ITGB3: variants seen among roughly 807,000 people sequenced by gnomAD.
ITGB3 encodes integrin beta-3.
In ITGB3, 48 loss-of-function variants were observed where a neutral mutation model predicts 85.8. The observed-to-expected ratio is 0.56, with a 90% CI of 0.44 to 0.71. The LOEUF (loss-of-function observed/expected upper bound fraction) is 0.71, where lower values mean the gene tolerates loss of function less well. Ranked by LOEUF, ITGB3 falls within the 30% of genes least tolerant of loss-of-function variation. The pLI, the probability that ITGB3 is intolerant of heterozygous loss-of-function variation, is 0.00. For missense variants in ITGB3, 861 were observed against 1,019.1 expected (o/e 0.84, Z 2.11); for synonymous variants, 363 against 395.6 (o/e 0.92, Z 0.98).
chr17:47,280,408 G>A lies in ITGB3; in HGVS notation c.166-2946G>A, dbSNP rs150254971. Among the ~76,000 whole-genome samples, 1,361 of 152,278 alleles carry A rather than the reference G, an allele frequency of 8.9e-3. 17 individuals are homozygous for A. Among genetic ancestry groups the A allele is most frequent in the African/African-American group, 0.03 (1,247 of 41,546 alleles). ...GTCTCACTCTGTCACCCAGACTGGG[G>A]TGCAGTGGTGTGATCTTGGCTCACT... On this transcript the variant is annotated intron_variant, in intron 2 of 14. Coordinates refer to ENST00000559488, the MANE Select transcript of ITGB3 (RefSeq NM_000212.3).
chr17:47,292,409 G>T lies in ITGB3; in HGVS notation c.1531G>T (p.Glu511Ter). The change falls in exon 10 of 15, where the codon GAA becomes TAA. Residue 511 changes from glutamate to a stop codon, truncating the protein, a stop_gained. Coordinates refer to ENST00000559488, the MANE Select transcript of ITGB3 (RefSeq NM_000212.3). LOFTEE classifies it high-confidence loss of function. ...EEDYRPSQQD[E>*]CSPREGQPVC... ...GGACTATCGCCCTTCCCAGCAGGACGAATGCAGCCCCCGGGAGGGTCAGCC... is the reference window on the plus strand; with the variant it reads ...GGACTATCGCCCTTCCCAGCAGGACTAATGCAGCCCCCGGGAGGGTCAGCC... The T allele has an allele frequency of 6.2e-7, 1 of 1,612,908 alleles. No individual in the cohort carries two copies. Among genetic ancestry groups the T allele is most frequent in the Non-Finnish European group, 8.5e-7 (1 of 1,178,948 alleles).
intron 1 of ITGB3, among the ~76,000 whole-genome samples, chr17:47,257,404 GC>G (rs1044798212): frequency 6.6e-6 from 1 of 152,170 alleles, no homozygotes; most frequent in Non-Finnish European, 1.5e-5. Context: ...AAAACCTCAA[GC>G]CCTGTATCTG....
At position 47,313,530 on chromosome 17, in the gene ITGB3, T is replaced by C. The variant is rs893120182; in HGVS notation, c.*3326T>C. On this transcript the variant is annotated 3_prime_UTR_variant, in exon 15 of 15. Transcript: ENST00000559488. Reference sequence around the variant, plus strand: ...CCCGGCTAATTTCTTTTTGTATTTTTAGTAGAGACGGGGTTTCACGGTGTT... The same window carrying C: ...CCCGGCTAATTTCTTTTTGTATTTTCAGTAGAGACGGGGTTTCACGGTGTT... Among the ~76,000 whole-genome samples, 1 of 151,736 alleles carries C rather than the reference T, an allele frequency of 6.6e-6. No individual in the cohort carries two copies. Among genetic ancestry groups the C allele is most frequent in the Non-Finnish European group, 1.5e-5 (1 of 67,954 alleles).
At chr17:47,291,354 G>GTGTA in intron 9 of ITGB3, 1 of 598,514 alleles carries the variant, frequency 1.7e-6, no homozygotes, top group South Asian at 2.1e-5. Context: ...ACCTTTGTTT[G>GTGTA]TGTATGCACA....
In ITGB3 at chr17:47,290,248, C is replaced by T; in HGVS notation, c.1099C>T (p.Leu367Phe). ...GVLSMDSSNV[L>F]QLIVDAYGKI... ...TCTGTCCATGGATTCCAGCAATGTC[C>T]TCCAGCTCATTGTTGATGCTTATGG... Residue 367 changes from leucine (L) to phenylalanine (F), a missense_variant, in exon 8 of 15, where the codon CTC (leucine) becomes TTC (phenylalanine). By Grantham distance (22) the Leu-to-Phe change is conservative. Transcript: ENST00000559488. 6.2e-7 allele frequency: 1 copy of T among 1,613,992 alleles called. No homozygotes were observed. Among genetic ancestry groups the T allele is most frequent in the Non-Finnish European group, 8.5e-7 (1 of 1,179,920 alleles).
intron 1 of ITGB3, among the ~76,000 whole-genome samples, chr17:47,270,692 C>T (rs1002431342): frequency 2.0e-5 from 3 of 152,106 alleles, no homozygotes; most frequent in Admixed American, 6.6e-5. Flanking sequence ...GTAGTCAAGT[C>T]GGAGAGTGGA....
chr17:47,288,502 G>A (rs1035222088), intron 6 of ITGB3, among the ~76,000 whole-genome samples: 9 of 152,132 alleles, frequency 5.9e-5, no homozygotes, highest in Non-Finnish European at 1.0e-4. Context: ...TGAACTCTTC[G>A]TCTCCTAAGG....
chr17:47,286,491 A>G, intron 5 of ITGB3, 69 bp downstream of exon 5: 5 of 1,579,714 alleles, frequency 3.2e-6, no homozygotes, highest in Non-Finnish European at 4.3e-6. Flanking sequence ...AAGTGACTGA[A>G]CTCTGGGGAT....
intron 2 of ITGB3, among the ~76,000 whole-genome samples, chr17:47,276,828 G>T (rs1228229213): frequency 3.3e-5 from 5 of 152,170 alleles, no homozygotes; most frequent in African/African-American, 9.7e-5. Context: ...CTTGGACATT[G>T]ACTTCAAAAA....
chr17:47,285,120 G>A (rs1407272876), intron 4 of ITGB3, among the ~76,000 whole-genome samples: 2 of 152,194 alleles, frequency 1.3e-5, no homozygotes, highest in Admixed American at 6.5e-5. Flanking sequence ...AAGTGCTAAG[G>A]AATATAAAAG....
chr17:47,289,482 C>A (rs2065116926), intron 6 of ITGB3, among the ~76,000 whole-genome samples, 199 bp from the exon 7 acceptor site: 3 of 152,150 alleles, frequency 2.0e-5, no homozygotes, highest in Non-Finnish European at 2.9e-5. Flanking sequence ...ACCACCACAT[C>A]TGGCAAATAA....
intron 10 of ITGB3, among the ~76,000 whole-genome samples, chr17:47,294,810 T>C (rs2065139734): frequency 6.6e-6 from 1 of 152,238 alleles, no homozygotes; most frequent in Non-Finnish European, 1.5e-5. Flanking sequence ...CCAGAGCTGC[T>C]GGCTCTATGC....
chr17:47,292,894 G>A (rs971288711), intron 10 of ITGB3, among the ~76,000 whole-genome samples: 3 of 152,202 alleles, frequency 2.0e-5, no homozygotes, highest in Non-Finnish European at 4.4e-5. Context: ...AGACATTGGA[G>A]TGTGCTTGAA....
chr17:47,309,378 TGAA>T (rs1010865586), intron 14 of ITGB3, among the ~76,000 whole-genome samples: 2 of 152,068 alleles, frequency 1.3e-5, no homozygotes, highest in Admixed American at 1.3e-4. Flanking sequence ...CCAGATTAGA[TGAA>T]AACAAATTAA....
intron 1 of ITGB3, among the ~76,000 whole-genome samples, chr17:47,263,855 T>A (rs1281395252): frequency 6.6e-6 from 1 of 152,218 alleles, no homozygotes; most frequent in Non-Finnish European, 1.5e-5. Flanking sequence ...TCAAGACATT[T>A]GAACTTTGTG....
chr17:47,267,147 T>C (rs2065028614), intron 1 of ITGB3, among the ~76,000 whole-genome samples: 1 of 152,216 alleles, frequency 6.6e-6, no homozygotes, highest in African/African-American at 2.4e-5. Context: ...ACTTTCTGTG[T>C]TCCAGCTGTT....
At chr17:47,262,168 A>C (rs922293243) in intron 1 of ITGB3, among the ~76,000 whole-genome samples, 4 of 152,338 alleles carry the variant, frequency 2.6e-5, no homozygotes, top group Middle Eastern at 3.4e-3. Context: ...CGGTTGAACC[A>C]GTTTGCTTTC....
chr17:47,255,704 G>A (rs1364246864), intron 1 of ITGB3, among the ~76,000 whole-genome samples: 2 of 152,230 alleles, frequency 1.3e-5, no homozygotes, highest in Non-Finnish European at 2.9e-5. Flanking sequence ...ACAGGCGTGA[G>A]CCACCGCACC....
chr17:47,257,150 C>T (rs758389621), intron 1 of ITGB3, among the ~76,000 whole-genome samples: 4 of 152,236 alleles, frequency 2.6e-5, no homozygotes, highest in Admixed American at 6.5e-5. Flanking sequence ...CATTATTCTT[C>T]CTATCCATGC....
Sources: allele counts gnomAD v4.1 joint callset (sites outside exome capture counted in the v4.1 genomes callset), GRCh38; gene constraint gnomAD v4.1.1; transcripts MANE v1.5; gene names NCBI Gene and HGNC (gene_info 2026-07-23, HGNC 2026-07-21).